The following TLCD3B variants were observed in gnomAD, a reference collection of about 807,000 sequenced individuals.
TLCD3B encodes TLC domain containing 3B.
A neutral mutation model predicts 23.0 loss-of-function variants in TLCD3B; 9 were observed. The observed-to-expected ratio is 0.39, with a 90% CI of 0.24 to 0.68. TLCD3B has a LOEUF of 0.68. TLCD3B is among the 30% of genes least tolerant of loss of function. The probability of loss-of-function intolerance (pLI) is 0.44; values close to 1 mark genes in which losing one functional copy is unlikely to be tolerated. For missense variants in TLCD3B, 307 were observed against 371.8 expected (o/e 0.83, Z 1.43); for synonymous variants, 161 against 161.0 (o/e 1.00, Z 0.00).
chr16:30,049,565 C>T (rs1323901304), intron 1 of TLCD3B, among the ~76,000 whole-genome samples: 1 of 152,142 alleles, frequency 6.6e-6, no homozygotes, highest in Admixed American at 6.6e-5. Flanking sequence ...GGAGACTTTG[C>T]GGTTAGCTGG....
Position 30,025,141 on chromosome 16 carries a change from C to G in TLCD3B, c.*42G>C, listed in dbSNP as rs781681507. On this transcript the variant is annotated 3_prime_UTR_variant, in exon 5 of 5. Transcript: ENST00000380495. The surrounding 1 kb of genome is among the most constrained non-coding windows in gnomAD (Gnocchi z 4.1). Reference sequence around the variant, plus strand: ...CATCAGCCCCAGAGCCCTGTCTCCACGGGGGTGGGGGTGGGGAGGGGGAGG... The same window carrying G: ...CATCAGCCCCAGAGCCCTGTCTCCAGGGGGGTGGGGGTGGGGAGGGGGAGG... The G allele has an allele frequency of 2.4e-5, 31 of 1,294,294 alleles. No individual in the cohort carries two copies. The highest frequency in any genetic ancestry group is 2.7e-4 in the Middle Eastern group (1 of 3,654). The allele number at this position is 1,294,294 out of a possible 1,614,324, so 80.2% of individuals were successfully genotyped here.
chr16:30,042,667 C>G (rs1334519048), intron 2 of TLCD3B, among the ~76,000 whole-genome samples: 1 of 152,136 alleles, frequency 6.6e-6, no homozygotes, highest in Non-Finnish European at 1.5e-5. Flanking sequence ...AATCCAGAAA[C>G]TTACCAATAT....
At chr16:30,041,615 G>C (rs1010416674) in intron 2 of TLCD3B, among the ~76,000 whole-genome samples, 1 of 151,532 alleles carries the variant, frequency 6.6e-6, no homozygotes, top group African/African-American at 2.4e-5. Flanking sequence ...CCAGCTACTT[G>C]GGAGGCTGAG....
At position 30,026,766 on chromosome 16, in the gene TLCD3B, T is replaced by C; in HGVS notation, c.287A>G (p.His96Arg). ...CCCTTTGACCTGGTGCTTGTGCCAG[T>C]GACAGAGGAACATGGCGTAGATGTC... ...IYDIYAMFLC[H>R]WHKHQVKGHG... The change falls in exon 3 of 5, where the codon CAC (histidine) becomes CGC (arginine). Residue 96 changes from histidine (H) to arginine (R), a missense_variant. His to Arg is a conservative substitution (Grantham distance 29). Coordinates refer to ENST00000380495, the MANE Select transcript of TLCD3B (RefSeq NM_031478.6). The C allele has an allele frequency of 1.9e-6, 3 of 1,614,102 alleles. No individual in the cohort carries two copies. The highest frequency in any genetic ancestry group is 2.5e-6 in the Non-Finnish European group (3 of 1,180,020).
At chr16:30,039,311 T>A (rs1164087853) in intron 3 of TLCD3B, among the ~76,000 whole-genome samples, 1 of 151,912 alleles carries the variant, frequency 6.6e-6, no homozygotes, top group African/African-American at 2.4e-5. Flanking sequence ...TTAGTAGATA[T>A]GGGGTTTCTC....
chr16:30,030,481 A>T lies in TLCD3B; in HGVS notation c.47T>A (p.Phe16Tyr), dbSNP rs769807224. 1.2e-5 allele frequency: 20 copies of T among 1,606,686 alleles called. No homozygotes were observed. Among genetic ancestry groups the T allele is most frequent in the Non-Finnish European group, 1.5e-5 (18 of 1,177,472 alleles). Residue 16 changes from phenylalanine (F) to tyrosine (Y), a missense_variant, in exon 1 of 5, where the codon TTC becomes TAC. Phe to Tyr is a conservative substitution (Grantham distance 22). Transcript: ENST00000380495. ...VAGGVVFPGLFLLSKNTLQRL... is the reference protein window; with the variant it reads ...VAGGVVFPGLYLLSKNTLQRL... Reference sequence around the variant, plus strand: ...CTGGAGCGTGTTCTTGGAGAGGAGGAAGAGTCCGGGGAACACCACCCCCCC... The same window carrying T: ...CTGGAGCGTGTTCTTGGAGAGGAGGTAGAGTCCGGGGAACACCACCCCCCC...
intron 3 of TLCD3B, among the ~76,000 whole-genome samples, chr16:30,040,147 A>AATAT (rs1192651776): frequency 0.013 from 1,239 of 95,806 alleles, 21 homozygotes; most frequent in Middle Eastern, 0.032. Context: ...AAAAAAAAAA[A>AATAT]ATATATATAT....
chr16:30,050,881 C>T (rs1474996667), intron 1 of TLCD3B, among the ~76,000 whole-genome samples: 1 of 152,098 alleles, frequency 6.6e-6, no homozygotes, highest in Non-Finnish European at 1.5e-5. Context: ...GGGAAAATGC[C>T]AGGATTCAGC....
In TLCD3B at chr16:30,029,628, C is replaced by T; in HGVS notation, c.126-113G>A. The T allele has an allele frequency of 4.4e-6, 4 of 909,410 alleles. No homozygotes were observed. In the South Asian group the frequency reaches 4.4e-5, roughly 10 times the overall value. The allele number at this position is 909,410 out of a possible 1,614,324, so 56.3% of individuals were successfully genotyped here. A position where few individuals can be genotyped will look rare whatever the true frequency, so the allele number is the denominator to read the frequency against. On this transcript the variant is annotated intron_variant, in intron 1 of 4. Coordinates refer to ENST00000380495, the MANE Select transcript of TLCD3B (RefSeq NM_031478.6). The surrounding 1 kb of genome is among the most constrained non-coding windows in gnomAD (Gnocchi z 4.6). ...CTTTGCGTTCAGCCACTTCTCGGGC[C>T]AGTCCTTGCCTGCCTTCGCCCAAGG...
At chr16:30,026,030 G>C (rs928329161) in intron 3 of TLCD3B, among the ~76,000 whole-genome samples, 4 of 152,072 alleles carry the variant, frequency 2.6e-5, no homozygotes, top group Admixed American at 6.5e-5. Context: ...TCAGGAGTTT[G>C]AGACCAGCCT....
At chr16:30,047,240 A>C (rs562808863) in intron 1 of TLCD3B, among the ~76,000 whole-genome samples, 1 of 152,208 alleles carries the variant, frequency 6.6e-6, no homozygotes, top group Non-Finnish European at 1.5e-5. Context: ...GCGGTCAAGC[A>C]ATCTTCCCAC....
In TLCD3B at chr16:30,029,395, C is replaced by A. The variant is rs547146688; in HGVS notation, c.209+37G>T. On this transcript the variant is annotated intron_variant, in intron 2 of 4. Transcript: ENST00000380495. The surrounding 1 kb of genome is among the most constrained non-coding windows in gnomAD (Gnocchi z 4.6). ...CGGGATTACCCGTACACGCCAACCA[C>A]TGGCACCTGGGCAGGGGGGTGTCTC... 17 of 1,588,422 alleles carry A rather than the reference C, an allele frequency of 1.1e-5. No homozygotes were observed. The East Asian group carries it at 3.8e-4, about 36-fold the overall frequency.
chr16:30,040,500 G>A (rs1294158010), intron 3 of TLCD3B, among the ~76,000 whole-genome samples: 2 of 152,082 alleles, frequency 1.3e-5, no homozygotes, highest in South Asian at 2.1e-4. Flanking sequence ...AAATGTGACC[G>A]CTGCCTTCCA....
At chr16:30,035,138 C>T (rs1339965995), upstream of TLCD3B, 5 of 367,410 alleles carry the variant, frequency 1.4e-5, no homozygotes, top group Non-Finnish European at 2.5e-5. Flanking sequence ...TCTTGAACTA[C>T]TGACCTCAGG....
At chr16:30,043,521 C>A (rs1025758124) in intron 2 of TLCD3B, among the ~76,000 whole-genome samples, 18 of 151,878 alleles carry the variant, frequency 1.2e-4, no homozygotes, top group African/African-American at 4.1e-4. Context: ...AATCACGTGT[C>A]AGGTGAGACA....
intron 1 of TLCD3B, among the ~76,000 whole-genome samples, chr16:30,048,810 A>T (rs1311542745): frequency 1.3e-5 from 2 of 151,310 alleles, no homozygotes; most frequent in African/African-American, 4.9e-5. Context: ...TCTGTCTGTC[A>T]CCCAGGCTGG....
chr16:30,031,650 A>T (rs1657404456), upstream of TLCD3B, among the ~76,000 whole-genome samples: 1 of 152,224 alleles, frequency 6.6e-6, no homozygotes, highest in Non-Finnish European at 1.5e-5. Context: ...GGATAGGAGC[A>T]AAAACATCTC....
At chr16:30,043,641 T>C (rs1451391488) in intron 2 of TLCD3B, among the ~76,000 whole-genome samples, 3 of 152,144 alleles carry the variant, frequency 2.0e-5, no homozygotes, top group Non-Finnish European at 2.9e-5. Flanking sequence ...AACCAAGTAA[T>C]CTGATTTTCA....
rs1018184417 is a variant in TLCD3B at position 30,039,103 on chromosome 16, C to CTTTTTTTTTTTTTTTTTTTTT, written c.-67+1871_-67+1891dup. ...TTATCCTTCTCCTCCTCCTTCCTCT[C>CTTTTTTTTTTTTTTTTTTTTT]TTTTTTTTTTTTTTTTTTTTTTTTT... On this transcript the variant is annotated intron_variant, in intron 3 of 6. Transcript: ENST00000561666. Among the ~76,000 whole-genome samples, 8 of 99,616 alleles carry CTTTTTTTTTTTTTTTTTTTTT rather than the reference C, an allele frequency of 8.0e-5. 3 individuals carry two copies. The highest frequency in any genetic ancestry group is 8.3e-5 in the African/African-American group (2 of 24,232). The allele number at this position is 99,616 out of a possible 152,430, so 65.4% of individuals were successfully genotyped here. A position where few individuals can be genotyped will look rare whatever the true frequency, so the allele number is the denominator to read the frequency against.
Sources: allele counts gnomAD v4.1 joint callset (sites outside exome capture counted in the v4.1 genomes callset), GRCh38; gene constraint gnomAD v4.1.1; non-coding constraint Gnocchi (gnomAD v3.1); transcripts MANE v1.5; gene names NCBI Gene and HGNC (gene_info 2026-07-23, HGNC 2026-07-21).